The following ZFR variants were observed in gnomAD, a reference collection of about 807,000 sequenced individuals.
The protein encoded by ZFR is zinc finger RNA binding protein, also known as zinc finger RNA-binding protein.
Under a neutral mutation model 130.7 loss-of-function variants are expected in ZFR, and 19 were observed. The observed-to-expected ratio is 0.15, with a 90% CI of 0.10 to 0.21. The LOEUF is 0.21. ZFR is among the 10% of genes least tolerant of loss of function. The pLI, the probability that ZFR is intolerant of heterozygous loss-of-function variation, is 1.00. For missense variants in ZFR, 872 were observed against 1,321.5 expected (o/e 0.66, Z 5.27); for synonymous variants, 466 against 456.9 (o/e 1.02, Z -0.25).
intron 2 of ZFR, among the ~76,000 whole-genome samples, chr5:32,438,482 C>T (rs1201695104): frequency 6.6e-5 from 10 of 151,866 alleles, no homozygotes; most frequent in African/African-American, 2.4e-4. Flanking sequence ...AGGCTGGTCT[C>T]GAATTCCCAA....
chr5:32,360,818 C>G (rs1483702149), intron 19 of ZFR, among the ~76,000 whole-genome samples: 2 of 151,962 alleles, frequency 1.3e-5, no homozygotes, highest in African/African-American at 2.4e-5. Flanking sequence ...TAATGCACTC[C>G]TGGGCTCAAG....
chr5:32,371,930 G>T (rs2111684574), intron 17 of ZFR, among the ~76,000 whole-genome samples: 1 of 151,982 alleles, frequency 6.6e-6, no homozygotes, highest in African/African-American at 2.4e-5. Flanking sequence ...TTGGTTCAGG[G>T]GAATATAAAT....
rs370998112 is a variant in ZFR at position 32,436,140 on chromosome 5, CTTTTTT to C, written c.137+8083_137+8088del. 2.5e-4 allele frequency among the ~76,000 whole-genome samples: 23 copies of C among 91,800 alleles called. 2 individuals carry two copies. The highest frequency in any genetic ancestry group is 2.2e-3 in the East Asian group (6 of 2,698). 60.2% of individuals were successfully genotyped at this position (91,800 alleles called of 152,430 possible). ...TAAAGTTGGTAACCACAGTTGTATT[CTTTTTT>C]TTTTTTTTTTTTTTTTTTTTGAGAT... On this transcript the variant is annotated intron_variant, in intron 2 of 19. Coordinates refer to ENST00000265069, the MANE Select transcript of ZFR (RefSeq NM_016107.5).
Position 32,418,485 on chromosome 5 carries a change from G to C in ZFR, c.421-693C>G, listed in dbSNP as rs531311640. On this transcript the variant is annotated intron_variant, in intron 3 of 19. Coordinates refer to ENST00000265069, the MANE Select transcript of ZFR (RefSeq NM_016107.5). The stretch of plus-strand genomic sequence containing the variant: ...CTCCTTTTCAGTATTTCTTTTTCAA[G>C]AAAGATCAAGGTGAGCTGAGTGAAT... Among the ~76,000 whole-genome samples the C allele has an allele frequency of 7.7e-3, 1,175 of 152,232 alleles. 14 individuals carry two copies. The highest frequency in any genetic ancestry group is 0.027 in the African/African-American group (1,110 of 41,544).
intron 15 of ZFR, among the ~76,000 whole-genome samples, chr5:32,381,734 A>G (rs1469414493): frequency 6.6e-6 from 1 of 152,132 alleles, no homozygotes; most frequent in East Asian, 1.9e-4. Flanking sequence ...TTAGTTTTTT[A>G]CTCCTCGAGT....
chr5:32,383,671 C>A, intron 15 of ZFR: 2 of 435,302 alleles, frequency 4.6e-6, no homozygotes, highest in South Asian at 1.6e-5. Flanking sequence ...CCTTCCTTAA[C>A]CCCTGTACTA....
chr5:32,428,512 G>C (rs1754125786), intron 2 of ZFR, among the ~76,000 whole-genome samples: 1 of 152,234 alleles, frequency 6.6e-6, no homozygotes, highest in East Asian at 1.9e-4. Context: ...AGGAGTTCGA[G>C]ACTTCAGTGA....
intron 19 of ZFR, among the ~76,000 whole-genome samples, chr5:32,359,705 C>T (rs1752388708): frequency 6.6e-6 from 1 of 152,202 alleles, no homozygotes; most frequent in South Asian, 2.1e-4. Context: ...AATCCCAGCA[C>T]TTTGGGAGAC....
At chr5:32,364,450 A>G in intron 17 of ZFR, 175 bp from the exon 18 acceptor site, 1 of 406,758 alleles carries the variant, frequency 2.5e-6, no homozygotes. Context: ...ATTAAGGAAT[A>G]GGCCGGGCAC....
chr5:32,400,546 C>T (rs562432094), intron 8 of ZFR, among the ~76,000 whole-genome samples: 2 of 152,280 alleles, frequency 1.3e-5, no homozygotes, highest in South Asian at 4.1e-4. Context: ...GTATTTGTTC[C>T]TTAAAAACTG....
intron 9 of ZFR, among the ~76,000 whole-genome samples, chr5:32,399,145 T>C (rs1293350135): frequency 6.6e-6 from 1 of 151,656 alleles, no homozygotes; most frequent in African/African-American, 2.4e-5. Flanking sequence ...GGTGGTGGCA[T>C]GCACCTGTAA....
intron 5 of ZFR, among the ~76,000 whole-genome samples, chr5:32,410,683 A>G (rs1395498141): frequency 6.6e-6 from 1 of 152,068 alleles, no homozygotes; most frequent in Non-Finnish European, 1.5e-5. Flanking sequence ...TACCAGAAAC[A>G]AAAAAAATTA....
intron 2 of ZFR, among the ~76,000 whole-genome samples, 163 bp downstream of exon 2, chr5:32,444,066 G>T (rs939299635): frequency 6.7e-6 from 1 of 148,182 alleles, no homozygotes; most frequent in African/African-American, 2.4e-5. Flanking sequence ...AAGGCGGGGC[G>T]GGGCGGGGCG....
intron 11 of ZFR, among the ~76,000 whole-genome samples, chr5:32,393,245 G>A (rs908140214): frequency 6.6e-6 from 1 of 151,750 alleles, no homozygotes; most frequent in Non-Finnish European, 1.5e-5. Flanking sequence ...TAAATATATC[G>A]TGTAATATTT....
intron 19 of ZFR, among the ~76,000 whole-genome samples, chr5:32,363,096 C>T (rs569500034): frequency 6.6e-6 from 1 of 152,300 alleles, no homozygotes; most frequent in African/African-American, 2.4e-5. Flanking sequence ...CATTTCTGGC[C>T]TAACAATTTA....
intron 2 of ZFR, among the ~76,000 whole-genome samples, chr5:32,429,131 GC>G (rs1309014740): frequency 6.6e-6 from 1 of 151,760 alleles, no homozygotes; most frequent in African/African-American, 2.4e-5. Flanking sequence ...GACTACAGGA[GC>G]CCGCCACCAC....
At chr5:32,376,932 T>C (rs1405754700) in intron 17 of ZFR, among the ~76,000 whole-genome samples, 2 of 142,942 alleles carry the variant, frequency 1.4e-5, no homozygotes, top group African/African-American at 5.3e-5. Flanking sequence ...TGAGCTGAGA[T>C]CATGCCACTA....
At chr5:32,427,168 A>C (rs1754092262) in intron 2 of ZFR, among the ~76,000 whole-genome samples, 1 of 152,084 alleles carries the variant, frequency 6.6e-6, no homozygotes, top group Non-Finnish European at 1.5e-5. Context: ...CAAGCCTGTA[A>C]TCCTAGCACT....
At chr5:32,444,439 T>C (rs1754556944) in intron 1 of ZFR, 111 bp from the exon 2 acceptor site, 2 of 1,329,122 alleles carry the variant, frequency 1.5e-6, no homozygotes, top group African/African-American at 3.1e-5. Context: ...AGAGCAGCCC[T>C]GGCGGGGCCC....
Sources: allele counts gnomAD v4.1 joint callset (sites outside exome capture counted in the v4.1 genomes callset), GRCh38; gene constraint gnomAD v4.1.1; transcripts MANE v1.5; gene names NCBI Gene and HGNC (gene_info 2026-07-23, HGNC 2026-07-21).